Variants in FBXO36 observed in about 807,000 individuals in gnomAD.
FBXO36 encodes the protein F-box protein 36.
In FBXO36, 18 loss-of-function variants were observed where a neutral mutation model predicts 17.0. The ratio of observed to expected loss-of-function variants is 1.06; its 90% CI spans 0.73 to 1.57. FBXO36 has a LOEUF of 1.57. Ranked by LOEUF, FBXO36 falls within the 40% of genes most tolerant of loss-of-function variation. The pLI, the probability that FBXO36 is intolerant of heterozygous loss-of-function variation, is 0.00. For missense variants in FBXO36, 229 were observed against 221.9 expected (o/e 1.03, Z -0.20); for synonymous variants, 83 against 85.3 (o/e 0.97, Z 0.15).
rs182739478 is a variant in FBXO36, at chr2:229,982,580, G to A, written c.205+6231G>A. Among the ~76,000 whole-genome samples, 829 of 152,010 alleles carry A rather than the reference G, an allele frequency of 5.5e-3. 8 individuals carry two copies. The highest frequency in any genetic ancestry group is 9.7e-3 in the Non-Finnish European group (659 of 67,982). ...CTAGCACTTTGGGAGGCTGAGGCGGGTGGATTACTTGAGGTTAGGAGTTTG... is the reference window on the plus strand; with the variant it reads ...CTAGCACTTTGGGAGGCTGAGGCGGATGGATTACTTGAGGTTAGGAGTTTG... On this transcript the variant is annotated intron_variant, in intron 2 of 3. Transcript: ENST00000283946.
chr2:229,951,394 C>T (rs901748750), intron 1 of FBXO36, among the ~76,000 whole-genome samples: 1 of 152,082 alleles, frequency 6.6e-6, no homozygotes, highest in Non-Finnish European at 1.5e-5. Flanking sequence ...CAGGCACGTG[C>T]CACCATGCCT....
At chr2:230,002,282 T>A (rs1206775461) in intron 3 of FBXO36, among the ~76,000 whole-genome samples, 3 of 152,204 alleles carry the variant, frequency 2.0e-5, no homozygotes, top group African/African-American at 7.2e-5. Context: ...ATTTCATTAG[T>A]TTTTTCAATA....
rs1163121324 is a variant in FBXO36 at position 229,991,890 on chromosome 2, CT to C, written c.206-4858del. 2.0e-5 allele frequency among the ~76,000 whole-genome samples: 3 copies of C among 152,110 alleles called. No individual in the cohort carries two copies. In the East Asian group the frequency reaches 5.8e-4, roughly 29 times the overall value. ...CACCTTTCCCCATCTCCAATTTCTTCTTTATACCATGTTTTTCTTCCATTGT... is the reference window on the plus strand; with the variant it reads ...CACCTTTCCCCATCTCCAATTTCTTCTTATACCATGTTTTTCTTCCATTGT... On this transcript the variant is annotated intron_variant, in intron 2 of 3. Transcript: ENST00000283946.
intron 3 of FBXO36, among the ~76,000 whole-genome samples, chr2:230,004,980 T>G (rs563359176): frequency 2.0e-4 from 30 of 152,298 alleles, no homozygotes; most frequent in African/African-American, 7.2e-4. Context: ...CACTCCAGTC[T>G]TGGCAATAAG....
chr2:230,008,232 A>G (rs1424236269), intron 3 of FBXO36, among the ~76,000 whole-genome samples: 1 of 152,168 alleles, frequency 6.6e-6, no homozygotes, highest in Non-Finnish European at 1.5e-5. Context: ...CTGGAACAGC[A>G]TCCTTCTCCC....
intron 1 of FBXO36, among the ~76,000 whole-genome samples, chr2:229,958,488 C>A (rs940557967): frequency 2.0e-5 from 3 of 152,116 alleles, no homozygotes; most frequent in Non-Finnish European, 2.9e-5. Flanking sequence ...CCAGGCTGAT[C>A]TCGAACTCCT....
At chr2:229,965,845 G>A (rs2077149701) in intron 1 of FBXO36, among the ~76,000 whole-genome samples, 2 of 152,144 alleles carry the variant, frequency 1.3e-5, no homozygotes. Context: ...ACGTGTGCAT[G>A]TGTCTTTCTT....
At chr2:229,933,934 C>G (rs980200402) in intron 1 of FBXO36, among the ~76,000 whole-genome samples, 1 of 152,012 alleles carries the variant, frequency 6.6e-6, no homozygotes, top group Non-Finnish European at 1.5e-5. Flanking sequence ...GATCTGCCCG[C>G]TTTGGCCTCC....
At chr2:229,970,921 G>C (rs904234949) in intron 1 of FBXO36, among the ~76,000 whole-genome samples, 3 of 152,122 alleles carry the variant, frequency 2.0e-5, no homozygotes, top group African/African-American at 7.2e-5. Flanking sequence ...TCTGAAATAA[G>C]TGATGAAAAC....
intron 3 of FBXO36, among the ~76,000 whole-genome samples, chr2:230,003,142 G>A (rs1310063422): frequency 3.3e-5 from 5 of 150,694 alleles, no homozygotes; most frequent in South Asian, 2.1e-4. Context: ...CCCAGGAGGC[G>A]GAGATTGCAG....
intron 2 of FBXO36, among the ~76,000 whole-genome samples, chr2:229,987,588 T>C (rs912153770): frequency 2.0e-5 from 3 of 152,152 alleles, no homozygotes; most frequent in Non-Finnish European, 4.4e-5. Flanking sequence ...CTTTTTTAGC[T>C]TCTTGAGATG....
intron 1 of FBXO36, among the ~76,000 whole-genome samples, chr2:229,926,151 G>A (rs180892388): frequency 4.6e-4 from 69 of 149,756 alleles, no homozygotes; most frequent in South Asian, 3.0e-3. Context: ...AAAAAGGGGG[G>A]GCTGAGCACA....
intron 2 of FBXO36, among the ~76,000 whole-genome samples, chr2:229,987,430 C>G (rs1442083250): frequency 1.3e-5 from 2 of 151,766 alleles, no homozygotes; most frequent in African/African-American, 4.8e-5. Flanking sequence ...CTTAATTAAT[C>G]TTGCCAGGGG....
chr2:229,960,697 T>G (rs2077116213), intron 1 of FBXO36, among the ~76,000 whole-genome samples: 1 of 152,212 alleles, frequency 6.6e-6, no homozygotes, highest in Non-Finnish European at 1.5e-5. Context: ...GAGATGGGGT[T>G]GCGCTGCATT....
intron 1 of FBXO36, among the ~76,000 whole-genome samples, chr2:229,944,592 CTTTT>C (rs58905595): frequency 1.1e-5 from 1 of 88,408 alleles, no homozygotes. Context: ...TTTTCTTTTT[CTTTT>C]TTTTTTTTTT....
intron 1 of FBXO36, chr2:229,923,248 CACA>C (rs1288732322): frequency 8.6e-6 from 1 of 115,874 alleles, no homozygotes; most frequent in Non-Finnish European, 2.0e-5. Context: ...ACATCTGCTC[CACA>C]ACAATAAGAC....
chr2:229,971,731 C>T (rs2077181321), intron 1 of FBXO36, among the ~76,000 whole-genome samples: 2 of 151,926 alleles, frequency 1.3e-5, no homozygotes, highest in African/African-American at 4.8e-5. Context: ...TTTTTTCACC[C>T]ATGCTAGAGT....
At chr2:229,969,210 A>G (rs1402896534) in intron 1 of FBXO36, among the ~76,000 whole-genome samples, 1 of 151,554 alleles carries the variant, frequency 6.6e-6, no homozygotes, top group African/African-American at 2.4e-5. Context: ...AAGATCAAAC[A>G]AAGTTGTTTT....
intron 1 of FBXO36, among the ~76,000 whole-genome samples, chr2:229,950,347 A>G (rs1429714061): frequency 6.6e-6 from 1 of 151,930 alleles, no homozygotes; most frequent in African/African-American, 2.4e-5. Context: ...AATCGCTTGA[A>G]CCCAGGAGGC....
Sources: allele counts gnomAD v4.1 joint callset (sites outside exome capture counted in the v4.1 genomes callset), GRCh38; gene constraint gnomAD v4.1.1; transcripts MANE v1.5; gene names NCBI Gene and HGNC (gene_info 2026-07-23, HGNC 2026-07-21).